TMEM164: variants seen among roughly 807,000 people sequenced by gnomAD.
The protein encoded by TMEM164 is transmembrane protein 164.
In TMEM164, 4 loss-of-function variants were observed where a neutral mutation model predicts 18.8. The ratio of observed to expected loss-of-function variants is 0.21; its 90% CI spans 0.10 to 0.49. TMEM164 has a LOEUF of 0.49. Ranked by LOEUF, TMEM164 falls within the 20% of genes least tolerant of loss-of-function variation. The probability of loss-of-function intolerance (pLI) is 0.98; values close to 1 mark genes in which losing one functional copy is unlikely to be tolerated. For missense variants in TMEM164, 108 were observed against 239.9 expected, an observed-to-expected ratio of 0.45 and a Z score of 3.63; for synonymous variants, 86 against 101.7, an observed-to-expected ratio of 0.85 and a Z score of 0.93.
At chrX:110,011,747 A>G (rs1336963413) in intron 2 of TMEM164, among the ~76,000 whole-genome samples, 1 of 111,954 alleles carries the variant, frequency 8.9e-6, no homozygotes, top group African/African-American at 3.2e-5. Flanking sequence ...TGAGGATGGG[A>G]ATCTGCATTT....
At chrX:110,129,281 A>G (rs2066579500) in intron 4 of TMEM164, among the ~76,000 whole-genome samples, 1 of 112,782 alleles carries the variant, frequency 8.9e-6, no homozygotes, top group African/African-American at 3.2e-5. Flanking sequence ...CCTAGGGGGC[A>G]GGAGTAATTT....
chrX:110,114,094 T>C lies in TMEM164; in HGVS notation c.507+4948T>C, dbSNP rs144657092. Among the ~76,000 whole-genome samples, 1,049 of 111,803 alleles carry C rather than the reference T, an allele frequency of 9.4e-3. 10 individuals carry two copies. Among genetic ancestry groups the C allele is most frequent in the African/African-American group, 0.031 (938 of 30,733 alleles). ...GACGAGTTTCAGTAGTCAAGGTGGG[T>C]GTCCCCAGAACCCATATCTCTTGAC... On this transcript the variant is annotated intron_variant, in intron 4 of 6. Coordinates refer to ENST00000372068, the MANE Select transcript of TMEM164 (RefSeq NM_032227.4).
chrX:110,176,077 T>A lies in TMEM164; in HGVS notation c.*2626T>A. The A allele has an allele frequency of 1.3e-6, 1 of 756,916 alleles. No individual in the cohort carries two copies. The allele number at this position is 756,916 out of a possible 1,213,427, so 62.4% of individuals were successfully genotyped here. ...GTGCCAAGCCAGTTCCCCAGCCAGG[T>A]TTCCGTGTGCCATTTGCCAGCGTGT... On this transcript the variant is annotated 3_prime_UTR_variant, in exon 7 of 7. Transcript: ENST00000372068.
At chrX:110,123,982 G>A (rs750999543) in intron 4 of TMEM164, among the ~76,000 whole-genome samples, 26 of 110,812 alleles carry the variant, frequency 2.3e-4, no homozygotes, top group East Asian at 2.8e-4. Context: ...CAGGCGTGGC[G>A]GTATGTGTCT....
chrX:110,149,271 G>C (rs1029662413), intron 5 of TMEM164, among the ~76,000 whole-genome samples: 5 of 111,143 alleles, frequency 4.5e-5, no homozygotes, highest in African/African-American at 6.5e-5. Flanking sequence ...GGAGACACTG[G>C]GGTCTGCCCT....
At chrX:110,065,982 CGGCTTT>C (rs1246928998) in intron 2 of TMEM164, among the ~76,000 whole-genome samples, 1 of 111,848 alleles carries the variant, frequency 8.9e-6, no homozygotes, top group Non-Finnish European at 1.9e-5. Context: ...TAATTATCAT[CGGCTTT>C]GTATGTTTAA....
rs56400284 is a variant in TMEM164, at chrX:110,044,593, CTTTTTTTTTTTTT to C, written c.391-22737_391-22725del. Reference sequence around the variant, plus strand: ...TAGCGGGGACTGCCACCATTCCTTGCTTTTTTTTTTTTTTTTTTTTTTTTTTTTTACTTTTTTT... The same window carrying C: ...TAGCGGGGACTGCCACCATTCCTTGCTTTTTTTTTTTTTTTTACTTTTTTT... On this transcript the variant is annotated intron_variant, in intron 2 of 6. Transcript: ENST00000372068. 1.7e-3 allele frequency among the ~76,000 whole-genome samples: 62 copies of C among 35,958 alleles called. 1 individual carries two copies. The highest frequency in any genetic ancestry group is 8.5e-3 in the East Asian group (6 of 708). 31.2% of individuals were successfully genotyped at this position (35,958 alleles called of 115,157 possible). A position where few individuals can be genotyped will look rare whatever the true frequency, so the allele number is the denominator to read the frequency against.
chrX:110,102,085 G>A (rs755391392), intron 3 of TMEM164, among the ~76,000 whole-genome samples: 72 of 106,434 alleles, frequency 6.8e-4, no homozygotes, highest in African/African-American at 2.2e-3. Flanking sequence ...TAGCACTTTG[G>A]GAGGCCGAGG....
chrX:110,138,764 A>G (rs1452502896), intron 4 of TMEM164, among the ~76,000 whole-genome samples: 1 of 112,252 alleles, frequency 8.9e-6, no homozygotes, highest in Admixed American at 9.4e-5. Flanking sequence ...TGTTAATTGC[A>G]TAATGGAGTG....
chrX:110,173,341 C>G lies in TMEM164; in HGVS notation c.784C>G (p.Leu262Val), dbSNP rs146630087. 2.5e-6 allele frequency: 3 copies of G among 1,209,953 alleles called. No homozygotes were observed. Among genetic ancestry groups the G allele is most frequent in the African/African-American group, 3.5e-5 (2 of 57,100 alleles). ...YRIWASGHQTLMTMTHGKLVI... is the reference protein window; with the variant it reads ...YRIWASGHQTVMTMTHGKLVI... ...CATCTGGGCCTCGGGACACCAGACT[C>G]TCATGACCATGACCCACGGGAAGCT... Residue 262 changes from leucine to valine, a missense_variant, in exon 7 of 7, where the codon CTC becomes GTC. By Grantham distance (32) the Leu-to-Val change is conservative. Transcript: ENST00000372068.
At chrX:110,071,390 T>C (rs2065586604) in intron 3 of TMEM164, among the ~76,000 whole-genome samples, 1 of 110,313 alleles carries the variant, frequency 9.1e-6, no homozygotes, top group African/African-American at 3.3e-5. Context: ...TTCATTTAAA[T>C]TTTTGATATA....
chrX:110,172,839 G>A (rs1425539652), intron 6 of TMEM164, among the ~76,000 whole-genome samples: 2 of 112,030 alleles, frequency 1.8e-5, no homozygotes, highest in African/African-American at 3.3e-5. Context: ...CTGGTTTGGG[G>A]TCAGATGTAG....
rs374331197 is a variant in TMEM164 at position 110,173,388 on chromosome X, G to A, written c.831G>A (p.Met277Ile). 6 of 1,209,754 alleles carry A rather than the reference G, an allele frequency of 5.0e-6. No homozygotes were observed. The African/African-American group carries it at 1.1e-4, about 21-fold the overall frequency. Residue 277 changes from methionine to isoleucine, a missense_variant, in exon 7 of 7, where the codon ATG becomes ATA. Transcript: ENST00000372068. ...AGCTGGTCATCCTGTTCTCATACAT[G>A]GCTGGGCCCTTGTGTAAATATCTGC... The part of the protein sequence containing the change: ...HGKLVILFSY[M>I]AGPLCKYLLD...
intron 2 of TMEM164, among the ~76,000 whole-genome samples, chrX:110,038,139 C>G (rs992915660): frequency 3.7e-5 from 4 of 108,170 alleles, no homozygotes. Flanking sequence ...TACAGGCGCC[C>G]GCCACTACGC....
At chrX:110,063,718 G>A (rs1426585904) in intron 2 of TMEM164, among the ~76,000 whole-genome samples, 1 of 111,599 alleles carries the variant, frequency 9.0e-6, no homozygotes, top group Non-Finnish European at 1.9e-5. Context: ...CCAGACCTGG[G>A]GATGAGGCAG....
intron 5 of TMEM164, among the ~76,000 whole-genome samples, chrX:110,168,580 G>T (rs1023457571): frequency 3.6e-5 from 4 of 112,639 alleles, no homozygotes; most frequent in Non-Finnish European, 7.5e-5. Flanking sequence ...TGGAGGGAAT[G>T]ATATCTATGT....
At chrX:110,154,438 G>A (rs1424317055) in intron 5 of TMEM164, among the ~76,000 whole-genome samples, 1 of 110,422 alleles carries the variant, frequency 9.1e-6, no homozygotes, top group Non-Finnish European at 1.9e-5. Context: ...TTATTTTTTT[G>A]AGACAGATAC....
intron 3 of TMEM164, among the ~76,000 whole-genome samples, chrX:110,072,457 C>T (rs2065608898): frequency 9.0e-6 from 1 of 110,650 alleles, no homozygotes; most frequent in Admixed American, 9.6e-5. Flanking sequence ...CAATTTTGGT[C>T]GTTTGTGTTT....
intron 2 of TMEM164, among the ~76,000 whole-genome samples, chrX:110,042,511 G>GC (rs1310430978): frequency 9.0e-6 from 1 of 111,659 alleles, no homozygotes; most frequent in Non-Finnish European, 1.9e-5. Context: ...TTGAGTCCTT[G>GC]TTTTCAGTTC....
Sources: gnomAD v4.1 joint callset for allele counts (sites outside exome capture counted in the v4.1 genomes callset) on GRCh38, gnomAD v4.1.1 for gene constraint, MANE v1.5 for transcripts, NCBI Gene and HGNC (gene_info 2026-07-23, HGNC 2026-07-21) for gene names.